Variants in CALCR observed in about 807,000 individuals in gnomAD.
The protein encoded by CALCR is calcitonin receptor.
A neutral mutation model predicts 59.5 loss-of-function variants in CALCR; 47 were observed. That is an observed-to-expected ratio of 0.79 (90% CI 0.63 to 1.01). The LOEUF is 1.01. Ranked by LOEUF, CALCR falls within the 50% of genes least tolerant of loss-of-function variation. The pLI is 0.00. For missense variants in CALCR, 566 were observed against 597.1 expected, an observed-to-expected ratio of 0.95 and a Z score of 0.54; for synonymous variants, 213 against 211.3, an observed-to-expected ratio of 1.01 and a Z score of -0.07.
chr7:93,454,426 C>T (rs959736174), intron 8 of CALCR, among the ~76,000 whole-genome samples: 50 of 152,046 alleles, frequency 3.3e-4, no homozygotes, highest in African/African-American at 1.2e-3. Flanking sequence ...GTGCAAAGTG[C>T]TCAGGTTTCC....
chr7:93,498,697 C>T lies in CALCR; in HGVS notation c.-26-11690G>A, dbSNP rs535366758. Among the ~76,000 whole-genome samples, 11 of 151,732 alleles carry T rather than the reference C, an allele frequency of 7.2e-5. No individual in the cohort carries two copies. In the East Asian group the frequency reaches 1.8e-3, roughly 24 times the overall value. On this transcript the variant is annotated intron_variant, in intron 2 of 13. Coordinates refer to ENST00000426151, the MANE Select transcript of CALCR (RefSeq NM_001742.4). The stretch of plus-strand genomic sequence containing the variant: ...GAAGATACTGGAATCACTAAGCATA[C>T]TGAAGAAATCTTAAGTGGGCTAATT...
intron 2 of CALCR, among the ~76,000 whole-genome samples, chr7:93,533,779 C>CT (rs950784609): frequency 1.3e-5 from 2 of 151,502 alleles, no homozygotes; most frequent in South Asian, 2.1e-4. Flanking sequence ...GTTTTAGAAG[C>CT]TTTTTTTTCT....
intron 2 of CALCR, among the ~76,000 whole-genome samples, chr7:93,510,196 T>C (rs1801515073): frequency 6.6e-6 from 1 of 152,162 alleles, no homozygotes; most frequent in African/African-American, 2.4e-5. Context: ...TATATAAAAC[T>C]ATGACTTCTC....
intron 7 of CALCR, among the ~76,000 whole-genome samples, chr7:93,463,345 T>C (rs528754121): frequency 1.3e-5 from 2 of 152,046 alleles, no homozygotes; most frequent in East Asian, 1.9e-4. Context: ...GAGAAAATGA[T>C]AGTTTAAAAC....
At chr7:93,482,756 A>G (rs1470456956) in intron 3 of CALCR, 1 of 533,092 alleles carries the variant, frequency 1.9e-6, no homozygotes, top group African/African-American at 1.9e-5. Context: ...TGCTGATGAA[A>G]GTAGCTTCCA....
At chr7:93,455,410 G>GCC (rs1800190750) in intron 8 of CALCR, among the ~76,000 whole-genome samples, 1 of 151,256 alleles carries the variant, frequency 6.6e-6, no homozygotes, top group Non-Finnish European at 1.5e-5. Flanking sequence ...GCTTTTCTTT[G>GCC]TCTCTTCTTC....
chr7:93,475,012 G>C (rs1221273494), intron 5 of CALCR, among the ~76,000 whole-genome samples: 1 of 151,646 alleles, frequency 6.6e-6, no homozygotes, highest in African/African-American at 2.4e-5. Flanking sequence ...ACTGAGATCT[G>C]ATAATATTTA....
intron 9 of CALCR, among the ~76,000 whole-genome samples, chr7:93,442,610 C>A (rs1799930268): frequency 6.6e-6 from 1 of 152,136 alleles, no homozygotes; most frequent in African/African-American, 2.4e-5. Context: ...GATTGTCCTC[C>A]CTCCTCACTA....
Position 93,425,103 on chromosome 7 carries a change from G to A in CALCR, c.*1253C>T, listed in dbSNP as rs751335333. ...CAAATTAATTTCAGGTGCCAGTAACGATACTGGTTTATTCAGGATTTTCAA... is the reference window on the plus strand; with the variant it reads ...CAAATTAATTTCAGGTGCCAGTAACAATACTGGTTTATTCAGGATTTTCAA... On this transcript the variant is annotated 3_prime_UTR_variant, in exon 14 of 14. Transcript: ENST00000426151. 2.6e-5 allele frequency: 4 copies of A among 152,532 alleles called. No individual in the cohort carries two copies. The highest frequency in any genetic ancestry group is 4.4e-5 in the Non-Finnish European group (3 of 67,984). The allele number at this position is 152,532 out of a possible 1,614,324, so 9.4% of individuals were successfully genotyped here.
At chr7:93,557,010 A>G (rs1361627575) in intron 2 of CALCR, among the ~76,000 whole-genome samples, 1 of 152,092 alleles carries the variant, frequency 6.6e-6, no homozygotes, top group Non-Finnish European at 1.5e-5. Context: ...GTGAGGCTAA[A>G]TGTCTTATCA....
chr7:93,568,510 T>TCTCTCTCTCTCTCTCTCC (rs1789920391), intron 2 of CALCR, among the ~76,000 whole-genome samples: 3 of 7,840 alleles, frequency 3.8e-4, no homozygotes, highest in Non-Finnish European at 5.6e-4. Context: ...AAAATTACTT[T>TCTCTCTCTCTCTCTCTCC]CTCTCTCTCT....
chr7:93,517,793 A>C (rs1389520323), intron 2 of CALCR, among the ~76,000 whole-genome samples: 2 of 151,942 alleles, frequency 1.3e-5, no homozygotes, highest in Non-Finnish European at 2.9e-5. Context: ...CAAGATAAGG[A>C]AACCTCATTG....
chr7:93,559,476 G>A (rs1177073580), intron 2 of CALCR: 1 of 152,006 alleles, frequency 6.6e-6, no homozygotes, highest in Admixed American at 6.6e-5. Context: ...TGATTTATTT[G>A]TGTCATTAGT....
chr7:93,428,296 G>A (rs1002393753), intron 13 of CALCR, among the ~76,000 whole-genome samples: 1 of 152,182 alleles, frequency 6.6e-6, no homozygotes, highest in African/African-American at 2.4e-5. Context: ...CTTTATGGAT[G>A]GGGCACTGAG....
At chr7:93,455,903 C>T (rs1171763599) in intron 8 of CALCR, among the ~76,000 whole-genome samples, 1 of 152,094 alleles carries the variant, frequency 6.6e-6, no homozygotes, top group Non-Finnish European at 1.5e-5. Flanking sequence ...GGTGGTGGCA[C>T]ATAAGCAGTT....
chr7:93,499,936 A>G (rs1801286976), intron 2 of CALCR, among the ~76,000 whole-genome samples: 1 of 151,924 alleles, frequency 6.6e-6, no homozygotes, highest in East Asian at 1.9e-4. Context: ...TATACAAAAT[A>G]TCATCTTGTC....
chr7:93,542,004 C>A (rs951704268), intron 2 of CALCR, among the ~76,000 whole-genome samples: 1 of 151,962 alleles, frequency 6.6e-6, no homozygotes, highest in African/African-American at 2.4e-5. Flanking sequence ...GAAAAAAATA[C>A]ATAGAGAAAA....
At chr7:93,529,262 T>A (rs1244399751) in intron 2 of CALCR, among the ~76,000 whole-genome samples, 1 of 152,060 alleles carries the variant, frequency 6.6e-6, no homozygotes, top group Admixed American at 6.6e-5. Flanking sequence ...GAGATCCAGT[T>A]GTTTAAAAGT....
At chr7:93,458,059 T>C (rs1407287386) in intron 8 of CALCR, among the ~76,000 whole-genome samples, 1 of 152,170 alleles carries the variant, frequency 6.6e-6, no homozygotes, top group Non-Finnish European at 1.5e-5. Context: ...ATAAATTTTC[T>C]TTAAATCAAT....
Sources: allele counts gnomAD v4.1 joint callset (sites outside exome capture counted in the v4.1 genomes callset), GRCh38; gene constraint gnomAD v4.1.1; transcripts MANE v1.5; gene names NCBI Gene and HGNC (gene_info 2026-07-23, HGNC 2026-07-21).